MAPK10: variants seen among roughly 807,000 people sequenced by gnomAD.
MAPK10 encodes the protein mitogen-activated protein kinase 10.
MAPK10 carries 25 observed loss-of-function variants against 59.3 expected under a neutral mutation model. That is an observed-to-expected ratio of 0.42 (90% CI 0.31 to 0.59). MAPK10 has a LOEUF of 0.59. MAPK10 is among the 20% of genes least tolerant of loss of function. The pLI is 0.15. For missense variants in MAPK10, 351 were observed against 568.9 expected, an observed-to-expected ratio of 0.62 and a Z score of 3.90; for synonymous variants, 190 against 200.5, an observed-to-expected ratio of 0.95 and a Z score of 0.44.
chr4:86,471,515 G>A (rs969804752), intron 1 of MAPK10, among the ~76,000 whole-genome samples: 1 of 152,056 alleles, frequency 6.6e-6, no homozygotes, highest in Non-Finnish European at 1.5e-5. Context: ...AAATACAATT[G>A]CCTGGATTTA....
intron 1 of MAPK10, among the ~76,000 whole-genome samples, chr4:86,404,784 G>A (rs1744153941): frequency 6.6e-6 from 1 of 152,118 alleles, no homozygotes; most frequent in Non-Finnish European, 1.5e-5. Flanking sequence ...TGAGAGTCTT[G>A]GTTTCGAATT....
chr4:86,165,967 T>A (rs2071553569), intron 3 of MAPK10, among the ~76,000 whole-genome samples: 1 of 152,212 alleles, frequency 6.6e-6, no homozygotes, highest in South Asian at 2.1e-4. Flanking sequence ...ATAATTATTT[T>A]CAATTATGTT....
chr4:86,421,467 C>T (rs564049767), intron 1 of MAPK10, among the ~76,000 whole-genome samples: 2 of 152,218 alleles, frequency 1.3e-5, no homozygotes, highest in South Asian at 4.2e-4. Context: ...CTAGCAGCGC[C>T]CCCTTGCACA....
intron 9 of MAPK10, chr4:86,081,682 A>T (rs1350117518): frequency 1.3e-5 from 2 of 152,110 alleles, no homozygotes; most frequent in Admixed American, 1.3e-4. Context: ...ATTGGTAACA[A>T]ATTTAAAAAT....
intron 1 of MAPK10, among the ~76,000 whole-genome samples, chr4:86,440,854 G>A (rs1027202297): frequency 2.6e-5 from 4 of 152,108 alleles, no homozygotes; most frequent in Non-Finnish European, 4.4e-5. Flanking sequence ...TGGGTGTTCG[G>A]AAATATTTAC....
intron 1 of MAPK10, among the ~76,000 whole-genome samples, chr4:86,384,695 A>G (rs571430664): frequency 8.5e-5 from 13 of 152,318 alleles, no homozygotes; most frequent in African/African-American, 3.1e-4. Flanking sequence ...TATGCTTTCA[A>G]TGTGGAGACG....
rs537394704 is a variant in MAPK10, at chr4:86,423,183, C to G, written c.-122+29847G>C. Among the ~76,000 whole-genome samples the G allele has an allele frequency of 5.9e-5, 9 of 152,190 alleles. No homozygotes were observed. The East Asian group carries it at 1.5e-3, about 26-fold the overall frequency. ...AGCAATTATGGAGACAAAAGGCATTCTGAGATAGCAGCATTCTAAGAATTT... is the reference window on the plus strand; with the variant it reads ...AGCAATTATGGAGACAAAAGGCATTGTGAGATAGCAGCATTCTAAGAATTT... On this transcript the variant is annotated intron_variant, in intron 1 of 13. Transcript: ENST00000361569.
At chr4:86,238,793 CAG>C (rs1351009984) in intron 2 of MAPK10, among the ~76,000 whole-genome samples, 1 of 152,136 alleles carries the variant, frequency 6.6e-6, no homozygotes, top group African/African-American at 2.4e-5. Context: ...CATCTGCAAA[CAG>C]AGACAATTTG....
At chr4:86,562,666 G>GT (rs1760767008) in intron 1 of MAPK10, among the ~76,000 whole-genome samples, 1 of 152,028 alleles carries the variant, frequency 6.6e-6, no homozygotes, top group Non-Finnish European at 1.5e-5. Context: ...CTGTACTCCA[G>GT]CCTGGGTGAC....
Position 86,031,396 on chromosome 4 carries a change from T to C in MAPK10, c.1146A>G (p.Glu382=). ...TCCATTCTTCAATTGTGTGTTCTCT[T>C]TCATCCAACTGCTTGTCATATATCT... is the stretch of plus-strand genomic sequence containing the variant. The part of the protein sequence containing the change: ...PPQIYDKQLD[E]REHTIEEWKE... Residue 382 remains glutamate (E), a synonymous_variant, in exon 12 of 14, where the codon GAA becomes GAG. Coordinates refer to ENST00000641462, the MANE Select transcript of MAPK10 (RefSeq NM_138982.4). The C allele has an allele frequency of 6.2e-7, 1 of 1,612,876 alleles. No individual in the cohort carries two copies. The highest frequency in any genetic ancestry group is 8.5e-7 in the Non-Finnish European group (1 of 1,179,098).
intron 3 of MAPK10, among the ~76,000 whole-genome samples, chr4:86,166,873 A>C (rs1258947008): frequency 6.6e-6 from 1 of 152,184 alleles, no homozygotes; most frequent in Non-Finnish European, 1.5e-5. Context: ...AATAACCAAG[A>C]TCAGAGCAGA....
chr4:86,535,078 T>C (rs1338846547), intron 1 of MAPK10, among the ~76,000 whole-genome samples: 1 of 152,144 alleles, frequency 6.6e-6, no homozygotes, highest in Non-Finnish European at 1.5e-5. Context: ...ATGCCACAGA[T>C]TCATGTCCAT....
chr4:86,390,781 G>A (rs950394422), intron 1 of MAPK10, among the ~76,000 whole-genome samples: 1 of 152,302 alleles, frequency 6.6e-6, no homozygotes, highest in Non-Finnish European at 1.5e-5. Context: ...GTGAAGGTCT[G>A]TGTGGAGTGG....
intron 2 of MAPK10, among the ~76,000 whole-genome samples, chr4:86,286,346 T>A (rs1463170700): frequency 6.6e-6 from 1 of 152,184 alleles, no homozygotes; most frequent in Non-Finnish European, 1.5e-5. Flanking sequence ...AACTACCACG[T>A]TATTCTCATA....
intron 1 of MAPK10, among the ~76,000 whole-genome samples, chr4:86,369,860 C>A (rs1276287302): frequency 6.6e-6 from 1 of 152,122 alleles, no homozygotes; most frequent in African/African-American, 2.4e-5. Context: ...TCTGTGTGAC[C>A]TGAGCAGATC....
At chr4:86,154,688 A>G (rs946509292) in intron 4 of MAPK10, among the ~76,000 whole-genome samples, 2 of 152,122 alleles carry the variant, frequency 1.3e-5, no homozygotes, top group African/African-American at 4.8e-5. Context: ...CATTTTACAG[A>G]TGAGTAAACC....
intron 1 of MAPK10, among the ~76,000 whole-genome samples, chr4:86,387,124 C>T (rs182786076): frequency 1.3e-5 from 2 of 152,242 alleles, no homozygotes; most frequent in East Asian, 1.9e-4. Flanking sequence ...AAAATGGCTG[C>T]AGCATATTTT....
chr4:86,304,483 C>T (rs1291775507), intron 2 of MAPK10, among the ~76,000 whole-genome samples: 3 of 150,324 alleles, frequency 2.0e-5, no homozygotes, highest in South Asian at 4.3e-4. Flanking sequence ...AGCTCCACCT[C>T]CCAGGTTCAC....
Position 86,016,290 on chromosome 4 carries a change from T to C in MAPK10, c.*938A>G, listed in dbSNP as rs1052644115. 2 of 152,238 alleles carry C rather than the reference T, an allele frequency of 1.3e-5. No individual in the cohort carries two copies. Among genetic ancestry groups the C allele is most frequent in the African/African-American group, 4.8e-5 (2 of 41,438 alleles). The allele number at this position is 152,238 out of a possible 1,614,324, so 9.4% of individuals were successfully genotyped here. ...CCAGTGTCTCCTAGTATCTGGGTAA[T>C]AACCTCCTTTCAGTCTTAGTCCACA... On this transcript the variant is annotated 3_prime_UTR_variant, in exon 14 of 14. Coordinates refer to ENST00000641462, the MANE Select transcript of MAPK10 (RefSeq NM_138982.4).
Sources: allele counts gnomAD v4.1 joint callset (sites outside exome capture counted in the v4.1 genomes callset), GRCh38; gene constraint gnomAD v4.1.1; transcripts MANE v1.5; gene names NCBI Gene and HGNC (gene_info 2026-07-23, HGNC 2026-07-21).